The following STAU2 variants were observed in gnomAD, a reference collection of about 807,000 sequenced individuals.
STAU2 encodes double-stranded RNA-binding protein Staufen homolog 2.
Under a neutral mutation model 65.9 loss-of-function variants are expected in STAU2, and 20 were observed. That is an observed-to-expected ratio of 0.30 (90% CI 0.21 to 0.44). The LOEUF is 0.44. Ranked by LOEUF, STAU2 falls within the 20% of genes least tolerant of loss-of-function variation. STAU2 has a pLI of 1.00. For missense variants in STAU2, 558 were observed against 683.9 expected (o/e 0.82, Z 2.05); for synonymous variants, 232 against 233.9 (o/e 0.99, Z 0.07).
intron 11 of STAU2, among the ~76,000 whole-genome samples, chr8:73,585,476 G>A (rs774623007): frequency 1.1e-4 from 17 of 152,200 alleles, no homozygotes; most frequent in South Asian, 8.3e-4. Context: ...GTGAAACTCC[G>A]TCTCAAAACA....
chr8:73,532,747 C>T (rs546306322), intron 13 of STAU2, among the ~76,000 whole-genome samples: 1 of 152,296 alleles, frequency 6.6e-6, no homozygotes, highest in South Asian at 2.1e-4. Context: ...TAACAAGAAC[C>T]TTGGCCTCCA....
At chr8:73,463,780 G>A (rs1452298003) in intron 13 of STAU2, among the ~76,000 whole-genome samples, 1 of 152,276 alleles carries the variant, frequency 6.6e-6, no homozygotes, top group Non-Finnish European at 1.5e-5. Flanking sequence ...TCTGCTGAGT[G>A]GCAACCACGA....
At chr8:73,676,987 A>C (rs966536962) in intron 5 of STAU2, among the ~76,000 whole-genome samples, 1 of 152,234 alleles carries the variant, frequency 6.6e-6, no homozygotes, top group Non-Finnish European at 1.5e-5. Context: ...ATATGAATCC[A>C]GAATATGTAA....
At chr8:73,726,237 G>A (rs1346069054) in intron 3 of STAU2, among the ~76,000 whole-genome samples, 1 of 152,132 alleles carries the variant, frequency 6.6e-6, no homozygotes, top group Non-Finnish European at 1.5e-5. Context: ...TTGTGAGGAT[G>A]TAAAGGTGTA....
At chr8:73,672,871 C>T (rs1023010935) in intron 6 of STAU2, 46 of 288,394 alleles carry the variant, frequency 1.6e-4, no homozygotes, top group African/African-American at 9.6e-4. Flanking sequence ...AAACTAGTTC[C>T]TTCAGATCTT....
intron 12 of STAU2, among the ~76,000 whole-genome samples, chr8:73,582,525 G>A (rs1385921011): frequency 6.6e-6 from 1 of 151,516 alleles, no homozygotes; most frequent in Admixed American, 6.6e-5. Flanking sequence ...AAAAAAGCAT[G>A]TGATCACTAC....
chr8:73,610,273 T>TA (rs551711660), intron 9 of STAU2, among the ~76,000 whole-genome samples: 24,210 of 134,162 alleles, frequency 0.18, 2,061 homozygotes, highest in African/African-American at 0.23. Context: ...AGACCCTGTT[T>TA]AAAAAAAAAA....
intron 13 of STAU2, among the ~76,000 whole-genome samples, chr8:73,455,159 A>G (rs1052317083): frequency 6.6e-6 from 1 of 152,124 alleles, no homozygotes; most frequent in African/African-American, 2.4e-5. Context: ...CCATCTCCTC[A>G]TACAAAGGTG....
chr8:73,652,947 T>C (rs763163285), intron 6 of STAU2: 24 of 152,034 alleles, frequency 1.6e-4, no homozygotes, highest in Admixed American at 1.5e-3. Flanking sequence ...ATTCACCAAC[T>C]AGATAAAACT....
chr8:73,593,706 C>G (rs578063071), intron 11 of STAU2, among the ~76,000 whole-genome samples: 1 of 152,100 alleles, frequency 6.6e-6, no homozygotes, highest in African/African-American at 2.4e-5. Context: ...CAGAACAAAA[C>G]GCTGACCTCC....
intron 12 of STAU2, among the ~76,000 whole-genome samples, chr8:73,574,689 T>C (rs1447158086): frequency 2.6e-5 from 4 of 152,248 alleles, no homozygotes; most frequent in South Asian, 2.1e-4. Flanking sequence ...TTCTCACTCA[T>C]AGGTGGGAAC....
At chr8:73,588,000 A>C (rs1042582297) in intron 11 of STAU2, among the ~76,000 whole-genome samples, 1 of 152,226 alleles carries the variant, frequency 6.6e-6, no homozygotes, top group African/African-American at 2.4e-5. Flanking sequence ...TGACTTCAAC[A>C]AACTCCAAGA....
intron 13 of STAU2, among the ~76,000 whole-genome samples, chr8:73,461,614 T>A (rs543962966): frequency 6.6e-6 from 1 of 152,122 alleles, no homozygotes; most frequent in African/African-American, 2.4e-5. Context: ...TTGCATCATG[T>A]CATGCTGGTG....
intron 13 of STAU2, chr8:73,438,933 A>G: frequency 2.2e-6 from 1 of 456,618 alleles, no homozygotes; most frequent in Non-Finnish European, 4.4e-6. Context: ...CGCTGTTAGG[A>G]GGACACATTT....
At chr8:73,715,093 A>AC in intron 3 of STAU2, among the ~76,000 whole-genome samples, 1 of 152,140 alleles carries the variant, frequency 6.6e-6, no homozygotes, top group South Asian at 2.1e-4. Flanking sequence ...AAAAAAAAAA[A>AC]AAAAAGTGAA....
chr8:73,598,996 G>A (rs904780236), intron 10 of STAU2, among the ~76,000 whole-genome samples: 3 of 152,148 alleles, frequency 2.0e-5, no homozygotes, highest in Admixed American at 6.5e-5. Flanking sequence ...CATAAACAGA[G>A]CAAAATGCCA....
At chr8:73,559,549 G>A (rs545824079) in intron 12 of STAU2, among the ~76,000 whole-genome samples, 72 of 152,292 alleles carry the variant, frequency 4.7e-4, no homozygotes, top group African/African-American at 1.5e-3. Flanking sequence ...CCTCATAGCC[G>A]GGACCTTGTT....
intron 13 of STAU2, chr8:73,551,333 G>C: frequency 1.0e-6 from 1 of 987,246 alleles, no homozygotes; most frequent in Middle Eastern, 3.0e-4. Flanking sequence ...TAAACTATAA[G>C]CTAGTTTTAG....
intron 6 of STAU2, chr8:73,670,299 A>C (rs1817579456): frequency 6.6e-6 from 1 of 152,214 alleles, no homozygotes; most frequent in African/African-American, 2.4e-5. Context: ...AAATATACCA[A>C]GGAAGCCAAG....
Sources: allele counts gnomAD v4.1 joint callset (sites outside exome capture counted in the v4.1 genomes callset), GRCh38; gene constraint gnomAD v4.1.1; transcripts MANE v1.5; gene names NCBI Gene and HGNC (gene_info 2026-07-23, HGNC 2026-07-21).